Variants in SRSF12 observed in about 807,000 individuals in gnomAD.
SRSF12 encodes serine/arginine-rich splicing factor 12.
SRSF12 carries 21 observed loss-of-function variants against 34.1 expected under a neutral mutation model. The observed-to-expected ratio is 0.62, with a 90% CI of 0.44 to 0.89. SRSF12 has a LOEUF of 0.89. Ranked by LOEUF, SRSF12 falls within the 40% of genes least tolerant of loss-of-function variation. The pLI, the probability that SRSF12 is intolerant of heterozygous loss-of-function variation, is 0.00. For synonymous variants in SRSF12, 111 were observed against 110.8 expected (o/e 1.00, Z -0.01); for missense variants, 278 against 327.8 (o/e 0.85, Z 1.17).
In SRSF12 at chr6:89,105,138, G is replaced by A. The variant is rs1346287954; in HGVS notation, c.397C>T (p.Arg133Trp). 12 of 1,611,884 alleles carry A rather than the reference G, an allele frequency of 7.4e-6. No homozygotes were observed. The highest frequency in any genetic ancestry group is 4.0e-5 in the African/African-American group (3 of 74,848). The change falls in exon 4 of 5, where the codon CGG becomes TGG. Residue 133 changes from arginine to tryptophan, a missense_variant. Arg to Trp is a moderately radical substitution (Grantham distance 101). Coordinates refer to ENST00000452027, the MANE Select transcript of SRSF12 (RefSeq NM_080743.5). Reference sequence around the variant, plus strand: ...ACTCACTCTTTAAGGCTGTCTGACCGCCTCCTATTTCTTCCCCATGAAGAA... The same window carrying A: ...ACTCACTCTTTAAGGCTGTCTGACCACCTCCTATTTCTTCCCCATGAAGAA... ...RSSSWGRNRR[R>W]SDSLKESRHR...
At chr6:89,099,434 A>ATACACACATATATATGTGTG in intron 4 of SRSF12, among the ~76,000 whole-genome samples, 1 of 133,872 alleles carries the variant, frequency 7.5e-6, no homozygotes, top group African/African-American at 2.7e-5. Flanking sequence ...ATGTGTGTAT[A>ATACACACATATATATGTGTG]TATATACACA....
intron 4 of SRSF12, 23 bp downstream of exon 4, chr6:89,105,096 A>T (rs758528068): frequency 5.2e-6 from 8 of 1,551,576 alleles, no homozygotes; most frequent in Non-Finnish European, 6.1e-6. Context: ...AGAAAATGAA[A>T]TTTTCAGTCC....
At chr6:89,114,937 C>G (rs1214137839) in intron 1 of SRSF12, among the ~76,000 whole-genome samples, 1 of 151,868 alleles carries the variant, frequency 6.6e-6, no homozygotes, top group Non-Finnish European at 1.5e-5. Flanking sequence ...GCTGGGATCA[C>G]AGGCACGCAC....
chr6:89,105,093 G>C (rs750823666), intron 4 of SRSF12, 26 bp downstream of exon 4: 4 of 1,550,910 alleles, frequency 2.6e-6, no homozygotes, highest in Non-Finnish European at 3.5e-6. Context: ...AGTAGAAAAT[G>C]AAATTTTCAG....
At chr6:89,113,529 G>C (rs915929763) in intron 1 of SRSF12, among the ~76,000 whole-genome samples, 8 of 151,738 alleles carry the variant, frequency 5.3e-5, no homozygotes, top group African/African-American at 1.9e-4. Flanking sequence ...GGCTCATCTC[G>C]AACTCCTGAC....
chr6:89,112,921 A>G (rs1438558105), intron 1 of SRSF12, among the ~76,000 whole-genome samples: 2 of 152,146 alleles, frequency 1.3e-5, no homozygotes, highest in Admixed American at 6.5e-5. Context: ...ACATGTAGGT[A>G]AATGTCTTAA....
chr6:89,116,611 CT>C, intron 1 of SRSF12, among the ~76,000 whole-genome samples: 1 of 151,940 alleles, frequency 6.6e-6, no homozygotes, highest in Non-Finnish European at 1.5e-5. Flanking sequence ...CTCATCTCTA[CT>C]AAAAATATAA....
intron 4 of SRSF12, 41 bp downstream of exon 4, chr6:89,105,078 G>T: frequency 6.5e-7 from 1 of 1,544,168 alleles, no homozygotes; most frequent in Non-Finnish European, 8.8e-7. Flanking sequence ...CTATTTCCCA[G>T]AAAAAGTAGA....
At chr6:89,106,489 A>C (rs1404432125) in intron 2 of SRSF12, among the ~76,000 whole-genome samples, 1 of 152,236 alleles carries the variant, frequency 6.6e-6, no homozygotes, top group Non-Finnish European at 1.5e-5. Context: ...CTGGAATTAC[A>C]TATACTGGTT....
rs1217264114 is a variant in SRSF12 at position 89,098,894 on chromosome 6, A to C, written c.470T>G (p.Leu157Ter). The change falls in exon 5 of 5, where the codon TTA becomes TGA. Residue 157 changes from leucine (L) to a stop codon, truncating the protein, a stop_gained. Transcript: ENST00000452027. LOFTEE classifies it high-confidence loss of function. ...CCTTGCTGAGGTAGACCGCCTTGGT[A>C]ATGATTTGGAACGAGATTTAGACTG... ...YSQSKSRSKS[L>*]PRRSTSARQS... 1 of 1,613,952 alleles carries C rather than the reference A, an allele frequency of 6.2e-7. No homozygotes were observed.
chr6:89,106,666 G>A (rs530568871), intron 2 of SRSF12: 21 of 178,774 alleles, frequency 1.2e-4, no homozygotes, highest in African/African-American at 4.9e-4. Flanking sequence ...AATATAAAAC[G>A]AGACTGGCAA....
At chr6:89,114,357 G>A (rs751243627) in intron 1 of SRSF12, among the ~76,000 whole-genome samples, 17 of 152,188 alleles carry the variant, frequency 1.1e-4, no homozygotes, top group Non-Finnish European at 2.2e-4. Flanking sequence ...GAGCCCAGGA[G>A]GCGGAGGTTG....
In SRSF12 at chr6:89,098,463, C is replaced by T; in HGVS notation, c.*115G>A. 1 of 1,329,892 alleles carries T rather than the reference C, an allele frequency of 7.5e-7. No homozygotes were observed. Among genetic ancestry groups the T allele is most frequent in the Non-Finnish European group, 1.0e-6 (1 of 1,004,420 alleles). 82.4% of individuals were successfully genotyped at this position (1,329,892 alleles called of 1,614,324 possible). A position where few individuals can be genotyped will look rare whatever the true frequency, so the allele number is the denominator to read the frequency against. ...TAGAGATTTTATTTCTTCCATATGC[C>T]CAAAGTAACTAATATCAACTCGCAT... On this transcript the variant is annotated 3_prime_UTR_variant, in exon 5 of 5. Transcript: ENST00000452027.
intron 4 of SRSF12, among the ~76,000 whole-genome samples, chr6:89,100,190 G>A (rs537328159): frequency 6.6e-6 from 1 of 152,132 alleles, no homozygotes; most frequent in African/African-American, 2.4e-5. Context: ...AGATTCCAAG[G>A]GACCAGCAAA....
At chr6:89,109,192 A>G (rs1454070699) in intron 1 of SRSF12, among the ~76,000 whole-genome samples, 1 of 152,036 alleles carries the variant, frequency 6.6e-6, no homozygotes, top group Admixed American at 6.6e-5. Context: ...AGGCACCCCA[A>G]CCCGATGCAT....
chr6:89,109,629 G>A (rs12660078), intron 1 of SRSF12, among the ~76,000 whole-genome samples: 2 of 152,174 alleles, frequency 1.3e-5, no homozygotes, highest in South Asian at 2.1e-4. Flanking sequence ...TGGAAGCCAA[G>A]GGTGATGGGA....
chr6:89,113,892 C>T (rs577134724), intron 1 of SRSF12, among the ~76,000 whole-genome samples: 1 of 152,264 alleles, frequency 6.6e-6, no homozygotes, highest in African/African-American at 2.4e-5. Context: ...ATCTACCCAC[C>T]TCAGCCTCCA....
intron 1 of SRSF12, among the ~76,000 whole-genome samples, chr6:89,114,468 G>C (rs1253682822): frequency 1.3e-5 from 2 of 152,120 alleles, no homozygotes; most frequent in African/African-American, 4.8e-5. Flanking sequence ...ATACATTATA[G>C]GGTTACTGCG....
Position 89,097,027 on chromosome 6 carries a change from A to T in SRSF12, c.*1551T>A, listed in dbSNP as rs1768305414. 1 of 152,240 alleles carries T rather than the reference A, an allele frequency of 6.6e-6. No individual in the cohort carries two copies. The highest frequency in any genetic ancestry group is 1.5e-5 in the Non-Finnish European group (1 of 68,042). 9.4% of individuals were successfully genotyped at this position (152,240 alleles called of 1,614,324 possible). Reference sequence around the variant, plus strand: ...AAAATCTATTCAGAAAGTACAATATACATTAATTTATGGCACTTGTCCAAA... The same window carrying T: ...AAAATCTATTCAGAAAGTACAATATTCATTAATTTATGGCACTTGTCCAAA... On this transcript the variant is annotated 3_prime_UTR_variant, in exon 5 of 5. Coordinates refer to ENST00000452027, the MANE Select transcript of SRSF12 (RefSeq NM_080743.5).
Sources: gnomAD v4.1 joint callset for allele counts (sites outside exome capture counted in the v4.1 genomes callset) on GRCh38, gnomAD v4.1.1 for gene constraint, MANE v1.5 for transcripts, NCBI Gene and HGNC (gene_info 2026-07-23, HGNC 2026-07-21) for gene names.